APBA1: variants seen among roughly 807,000 people sequenced by gnomAD.
APBA1 encodes the protein amyloid-beta A4 precursor protein-binding family A member 1.
In APBA1, 55 loss-of-function variants were observed where a neutral mutation model predicts 86.6. The ratio of observed to expected loss-of-function variants is 0.64; its 90% CI spans 0.51 to 0.80. APBA1 has a LOEUF of 0.80. Ranked by LOEUF, APBA1 falls within the 30% of genes least tolerant of loss-of-function variation. The pLI, the probability that APBA1 is intolerant of heterozygous loss-of-function variation, is 0.00. For missense variants in APBA1, 1,090 were observed against 1,183.0 expected (o/e 0.92, Z 1.15); for synonymous variants, 511 against 493.9 (o/e 1.03, Z -0.46).
chr9:69,555,254 T>C (rs1256833266), intron 1 of APBA1, among the ~76,000 whole-genome samples: 2 of 152,176 alleles, frequency 1.3e-5, no homozygotes, highest in Non-Finnish European at 2.9e-5. Flanking sequence ...ATTTAAAACA[T>C]TCCTTAGACT....
intron 4 of APBA1, among the ~76,000 whole-genome samples, chr9:69,470,821 A>G (rs945729251): frequency 6.6e-6 from 1 of 152,184 alleles, no homozygotes; most frequent in African/African-American, 2.4e-5. Flanking sequence ...CTCTTTGTGA[A>G]TGAGAAATGA....
intron 2 of APBA1, among the ~76,000 whole-genome samples, chr9:69,482,546 C>A (rs28816725): frequency 0.16 from 24,368 of 147,710 alleles, 2,082 homozygotes; most frequent in Admixed American, 0.2. Context: ...TAGTTCAACC[C>A]TTGTGGAAGT....
intron 1 of APBA1, among the ~76,000 whole-genome samples, chr9:69,521,691 G>C (rs2133895763): frequency 6.6e-6 from 1 of 152,306 alleles, no homozygotes; most frequent in Middle Eastern, 3.4e-3. Flanking sequence ...ATTATTCAAA[G>C]AATGAGATAT....
upstream of APBA1, among the ~76,000 whole-genome samples, chr9:69,672,491 C>T (rs1196982349): frequency 6.8e-6 from 1 of 147,676 alleles, no homozygotes; most frequent in Non-Finnish European, 1.5e-5. Flanking sequence ...CGCGCGCGCA[C>T]GCCGCCTGCT....
chr9:69,512,042 G>A (rs1836055076), intron 2 of APBA1, among the ~76,000 whole-genome samples: 1 of 150,932 alleles, frequency 6.6e-6, no homozygotes, highest in Non-Finnish European at 1.5e-5. Flanking sequence ...CCTGCACAAT[G>A]TGCACATGTA....
At position 69,428,800 on chromosome 9, in the gene APBA1, A is replaced by T. The variant is rs1383679317; in HGVS notation, c.*2527T>A. On this transcript the variant is annotated 3_prime_UTR_variant, in exon 13 of 13. Coordinates refer to ENST00000265381, the MANE Select transcript of APBA1 (RefSeq NM_001163.4). ...TTGCCCCAGTGGTAGTGGGAAAAAG[A>T]ACCCACTTCAGCTGGGTGGACCTGT... 1 of 152,188 alleles carries T rather than the reference A, an allele frequency of 6.6e-6. No homozygotes were observed. Among genetic ancestry groups the T allele is most frequent in the Non-Finnish European group, 1.5e-5 (1 of 68,032 alleles). The allele number at this position is 152,188 out of a possible 1,614,324, so 9.4% of individuals were successfully genotyped here. A position where few individuals can be genotyped will look rare whatever the true frequency, so the allele number is the denominator to read the frequency against.
intron 8 of APBA1, among the ~76,000 whole-genome samples, chr9:69,455,509 C>A (rs1835081137): frequency 6.6e-6 from 1 of 152,034 alleles, no homozygotes; most frequent in Non-Finnish European, 1.5e-5. Flanking sequence ...AGAATGGCTT[C>A]TGTTGTAAAC....
intron 2 of APBA1, among the ~76,000 whole-genome samples, chr9:69,485,482 T>C (rs1364836244): frequency 6.6e-6 from 1 of 152,086 alleles, no homozygotes; most frequent in Non-Finnish European, 1.5e-5. Context: ...ATTTAGGCAA[T>C]GAAATGTGAT....
At chr9:69,460,931 A>C (rs1270245885) in intron 5 of APBA1, 1 of 152,174 alleles carries the variant, frequency 6.6e-6, no homozygotes, top group Non-Finnish European at 1.5e-5. Flanking sequence ...GGGTTTCACC[A>C]TGTTGACCAG....
At chr9:69,475,861 A>T (rs1835436113) in intron 3 of APBA1, among the ~76,000 whole-genome samples, 187 bp downstream of exon 3, 1 of 152,256 alleles carries the variant, frequency 6.6e-6, no homozygotes, top group African/African-American at 2.4e-5. Context: ...ACCTGCAGCC[A>T]GTGGCTATCA....
chr9:69,457,990 C>A (rs966588781), intron 6 of APBA1, among the ~76,000 whole-genome samples, 166 bp downstream of exon 6: 1 of 152,156 alleles, frequency 6.6e-6, no homozygotes, highest in Non-Finnish European at 1.5e-5. Context: ...CCACCTTCGG[C>A]AACTGAGTTT....
At chr9:69,557,314 T>C (rs1361749969) in intron 1 of APBA1, among the ~76,000 whole-genome samples, 3 of 152,182 alleles carry the variant, frequency 2.0e-5, no homozygotes, top group Non-Finnish European at 4.4e-5. Context: ...TTCTAGTAGA[T>C]AAATAAAGCC....
At chr9:69,458,840 CTT>C (rs1341331153) in intron 5 of APBA1, among the ~76,000 whole-genome samples, 3 of 144,350 alleles carry the variant, frequency 2.1e-5, no homozygotes, top group Non-Finnish European at 3.0e-5. Context: ...GAGTTTTGCT[CTT>C]GTTGCCCAGG....
chr9:69,658,300 C>CTCTCTCTCTT (rs1823670571), intron 1 of APBA1, among the ~76,000 whole-genome samples: 1 of 56,084 alleles, frequency 1.8e-5, no homozygotes, highest in Admixed American at 2.0e-4. Flanking sequence ...CTCTTTCTCT[C>CTCTCTCTCTT]TCTCTCTTTC....
chr9:69,618,787 C>T (rs1052406159), intron 1 of APBA1, among the ~76,000 whole-genome samples: 4 of 152,174 alleles, frequency 2.6e-5, no homozygotes, highest in African/African-American at 7.2e-5. Flanking sequence ...TATTTTCAGC[C>T]TTTGTTTTTA....
chr9:69,428,091 G>A lies in APBA1; in HGVS notation c.*3236C>T, dbSNP rs1250388961. ...GTGAATGCGAGTAAACACATCTAAGGAGGGGCGGCCCCTGGTTGTAAACAT... is the reference window on the plus strand; with the variant it reads ...GTGAATGCGAGTAAACACATCTAAGAAGGGGCGGCCCCTGGTTGTAAACAT... On this transcript the variant is annotated 3_prime_UTR_variant, in exon 13 of 13. Coordinates refer to ENST00000265381, the MANE Select transcript of APBA1 (RefSeq NM_001163.4). 6.6e-6 allele frequency: 1 copy of A among 152,226 alleles called. No homozygotes were observed. The highest frequency in any genetic ancestry group is 1.5e-5 in the Non-Finnish European group (1 of 68,072). 9.4% of individuals were successfully genotyped at this position (152,226 alleles called of 1,614,324 possible). A position where few individuals can be genotyped will look rare whatever the true frequency, so the allele number is the denominator to read the frequency against.
chr9:69,499,661 C>T lies in APBA1; in HGVS notation c.1200+16350G>A, dbSNP rs1054468149. Among the ~76,000 whole-genome samples, 25 of 104,444 alleles carry T rather than the reference C, an allele frequency of 2.4e-4. No homozygotes were observed. The East Asian group carries it at 2.5e-3, about 10-fold the overall frequency. 68.5% of individuals were successfully genotyped at this position (104,444 alleles called of 152,430 possible). ...ACCTTGGTCAGTAGTTTCCTAGCAA[C>T]GGTCCAAAAAAAAAAAAAATCCATG... On this transcript the variant is annotated intron_variant, in intron 2 of 12. Coordinates refer to ENST00000265381, the MANE Select transcript of APBA1 (RefSeq NM_001163.4).
At chr9:69,435,870 C>T (rs1326035950) in intron 11 of APBA1, among the ~76,000 whole-genome samples, 1 of 152,138 alleles carries the variant, frequency 6.6e-6, no homozygotes, top group Non-Finnish European at 1.5e-5. Context: ...CTTGCCCATG[C>T]CTATGTCCTG....
chr9:69,432,392 G>A, intron 12 of APBA1, 144 bp downstream of exon 12: 2 of 754,898 alleles, frequency 2.6e-6, no homozygotes, highest in East Asian at 3.3e-5. Context: ...TTTGGTCAGA[G>A]ACAGGTCTGC....
Sources: allele counts gnomAD v4.1 joint callset (sites outside exome capture counted in the v4.1 genomes callset), GRCh38; gene constraint gnomAD v4.1.1; transcripts MANE v1.5; gene names NCBI Gene and HGNC (gene_info 2026-07-23, HGNC 2026-07-21).